Variants in ADAM32 observed in about 807,000 individuals in gnomAD.
ADAM32 encodes the protein ADAM metallopeptidase domain 32.
ADAM32 carries 89 observed loss-of-function variants against 114.9 expected under a neutral mutation model. The observed-to-expected ratio is 0.77, with a 90% CI of 0.65 to 0.92. The LOEUF (loss-of-function observed/expected upper bound fraction) is 0.92, where lower values mean the gene tolerates loss of function less well. Among genes scored for constraint, ADAM32 ranks in the 40% least tolerant of loss-of-function variants. The pLI, the probability that ADAM32 is intolerant of heterozygous loss-of-function variation, is 0.00. For missense variants in ADAM32, 870 were observed against 932.8 expected (o/e 0.93, Z 0.88); for synonymous variants, 285 against 307.5 (o/e 0.93, Z 0.77).
At chr8:39,207,938 A>T (rs1807958102) in intron 11 of ADAM32, among the ~76,000 whole-genome samples, 1 of 152,188 alleles carries the variant, frequency 6.6e-6, no homozygotes, top group South Asian at 2.1e-4. Flanking sequence ...TATTCCATTT[A>T]TATATATACC....
chr8:39,222,891 T>G (rs533807107), intron 13 of ADAM32, 149 bp from the exon 14 acceptor site: 1 of 558,630 alleles, frequency 1.8e-6, no homozygotes, highest in Admixed American at 4.2e-5. Context: ...TATTTTTATA[T>G]TATTAGCATA....
intron 23 of ADAM32, among the ~76,000 whole-genome samples, chr8:39,283,240 T>C (rs1243199779): frequency 2.6e-5 from 4 of 151,894 alleles, no homozygotes; most frequent in African/African-American, 4.8e-5. Flanking sequence ...AAATCCCATT[T>C]CTACAAAGAA....
At chr8:39,144,735 A>G (rs1803397139) in intron 3 of ADAM32, among the ~76,000 whole-genome samples, 1 of 152,258 alleles carries the variant, frequency 6.6e-6, no homozygotes, top group African/African-American at 2.4e-5. Flanking sequence ...TTTTCATCTA[A>G]TATCAGGAAC....
chr8:39,127,589 G>T (rs1802191871), intron 2 of ADAM32, among the ~76,000 whole-genome samples: 1 of 152,036 alleles, frequency 6.6e-6, no homozygotes, highest in Non-Finnish European at 1.5e-5. Flanking sequence ...AGTCAAGCTA[G>T]TAGTCTATCT....
intron 10 of ADAM32, among the ~76,000 whole-genome samples, chr8:39,180,232 C>A (rs1011336249): frequency 6.6e-6 from 1 of 152,220 alleles, no homozygotes; most frequent in Non-Finnish European, 1.5e-5. Context: ...CCTGCCGACC[C>A]CAGGCAGTGA....
intron 19 of ADAM32, among the ~76,000 whole-genome samples, chr8:39,262,369 T>C (rs1355246293): frequency 6.6e-6 from 1 of 152,210 alleles, no homozygotes; most frequent in Non-Finnish European, 1.5e-5. Flanking sequence ...ATATGTGGAT[T>C]AATTTCTGTG....
At chr8:39,269,775 T>C (rs1236988197) in intron 19 of ADAM32, among the ~76,000 whole-genome samples, 2 of 152,350 alleles carry the variant, frequency 1.3e-5, no homozygotes, top group South Asian at 2.1e-4. Flanking sequence ...TGCTGTGTTA[T>C]AGAGACATAT....
At chr8:39,230,701 G>T (rs991162902) in intron 14 of ADAM32, among the ~76,000 whole-genome samples, 8 of 152,040 alleles carry the variant, frequency 5.3e-5, no homozygotes, top group African/African-American at 1.9e-4. Context: ...GGTGGAAAGG[G>T]ATAAGATGAG....
chr8:39,187,040 A>C lies in ADAM32; in HGVS notation c.1047A>C (p.Glu349Asp). Residue 349 changes from glutamate (E) to aspartate (D), a missense_variant, in exon 11 of 25, where the codon GAA (glutamate) becomes GAC (aspartate). Glu to Asp is a conservative substitution (Grantham distance 45, BLOSUM62 2). Transcript: ENST00000379907. Reference protein sequence around the residue: ...CSESTCIMNPEVVQSNGVKTF... With the variant: ...CSESTCIMNPDVVQSNGVKTF... ...AATCCACCTGTATAATGAATCCAGA[A>C]GTTGTGTAAGTTTTAACAATTTATT... 1 of 1,599,950 alleles carries C rather than the reference A, an allele frequency of 6.3e-7. No homozygotes were observed. Among genetic ancestry groups the C allele is most frequent in the Non-Finnish European group, 8.5e-7 (1 of 1,175,388 alleles).
At chr8:39,126,092 A>G (rs1176704203) in intron 2 of ADAM32, among the ~76,000 whole-genome samples, 2 of 152,172 alleles carry the variant, frequency 1.3e-5, no homozygotes, top group African/African-American at 4.8e-5. Context: ...GTCATGTAGC[A>G]TGATGCCTTC....
At chr8:39,223,313 C>A in intron 14 of ADAM32, 75 bp downstream of exon 14, 2 of 959,160 alleles carry the variant, frequency 2.1e-6, no homozygotes, top group South Asian at 5.4e-5. Context: ...GGTATATTTT[C>A]ATATATATAA....
chr8:39,232,570 C>T (rs112615194), intron 15 of ADAM32, among the ~76,000 whole-genome samples: 7 of 152,172 alleles, frequency 4.6e-5, no homozygotes, highest in Non-Finnish European at 8.8e-5. Flanking sequence ...ATATGCCAGA[C>T]ACTGGGCTAA....
At chr8:39,126,416 G>A (rs114046051) in intron 2 of ADAM32, among the ~76,000 whole-genome samples, 1,793 of 152,146 alleles carry the variant, frequency 0.012, 36 homozygotes, top group African/African-American at 0.04. Flanking sequence ...GCATTCCTAG[G>A]TATTTTATTC....
intron 16 of ADAM32, among the ~76,000 whole-genome samples, chr8:39,236,876 C>T (rs1468837696): frequency 6.6e-6 from 1 of 152,150 alleles, no homozygotes; most frequent in East Asian, 1.9e-4. Flanking sequence ...CTTGCAGCTC[C>T]CACTTGGATG....
At chr8:39,272,618 G>A (rs1812806377) in intron 20 of ADAM32, among the ~76,000 whole-genome samples, 2 of 152,058 alleles carry the variant, frequency 1.3e-5, no homozygotes, top group Admixed American at 1.3e-4. Flanking sequence ...GTCTGTATAG[G>A]GCACTTACAA....
At chr8:39,130,188 C>T (rs1802359422) in intron 2 of ADAM32, 1 of 154,936 alleles carries the variant, frequency 6.5e-6, no homozygotes, top group African/African-American at 2.4e-5. Flanking sequence ...CTCCTGACGT[C>T]AAGTGATCTG....
In ADAM32 at chr8:39,128,174, A is replaced by T. The variant is rs1234924950; in HGVS notation, c.139-8483A>T. ...AGTCTAAGGCTCTTTGTAGGTCTCT[A>T]AGATCTTGCTTTATTAATCTGGTTG... On this transcript the variant is annotated intron_variant, in intron 2 of 24. Transcript: ENST00000379907. 2.0e-5 allele frequency among the ~76,000 whole-genome samples: 3 copies of T among 152,132 alleles called. No individual in the cohort carries two copies. The South Asian group carries it at 6.2e-4, about 32-fold the overall frequency.
At chr8:39,224,830 A>C (rs1389295374) in intron 14 of ADAM32, among the ~76,000 whole-genome samples, 1 of 152,228 alleles carries the variant, frequency 6.6e-6, no homozygotes, top group African/African-American at 2.4e-5. Flanking sequence ...GAAGGCTCCA[A>C]GGTCCATCTA....
intron 11 of ADAM32, among the ~76,000 whole-genome samples, chr8:39,192,268 A>G (rs973785841): frequency 2.6e-5 from 4 of 152,068 alleles, no homozygotes; most frequent in African/African-American, 9.7e-5. Flanking sequence ...CCATTATGTA[A>G]TGCCCTTCTT....
Sources: gnomAD v4.1 joint callset for allele counts (sites outside exome capture counted in the v4.1 genomes callset) on GRCh38, gnomAD v4.1.1 for gene constraint, MANE v1.5 for transcripts, NCBI Gene and HGNC (gene_info 2026-07-23, HGNC 2026-07-21) for gene names.